OTOP1: variants seen among roughly 807,000 people sequenced by gnomAD.
OTOP1 encodes proton channel OTOP1.
Under a neutral mutation model 52.9 loss-of-function variants are expected in OTOP1, and 59 were observed. The observed-to-expected ratio is 1.12, with a 90% CI of 0.91 to 1.39. The LOEUF (loss-of-function observed/expected upper bound fraction) is 1.39, where lower values mean the gene tolerates loss of function less well. Among genes scored for constraint, OTOP1 ranks in the 40% most tolerant of loss-of-function variants. The probability of loss-of-function intolerance (pLI) is 0.00; values close to 1 mark genes in which losing one functional copy is unlikely to be tolerated. For missense variants in OTOP1, 761 were observed against 800.9 expected (o/e 0.95, Z 0.60); for synonymous variants, 317 against 337.7 (o/e 0.94, Z 0.67).
At position 4,226,462 on chromosome 4, in the gene OTOP1, C is replaced by A. The variant is rs768628259; in HGVS notation, c.403G>T (p.Gly135Cys). ...DTHAGAGWLR[G>C]SITLFAVITV... ...CCGCTCGCCCGGCGCCTGGACTCAC[C>A]GCGCAGCCAGCCGGCACCCGCGTGC... is the stretch of plus-strand genomic sequence containing the variant. The change falls in exon 1 of 6, where the codon GGT becomes TGT. Residue 135 changes from glycine to cysteine, a missense_variant and splice_region_variant. Gly to Cys is a radical substitution (Grantham distance 159, BLOSUM62 -3). Coordinates refer to ENST00000296358, the MANE Select transcript of OTOP1 (RefSeq NM_177998.3). The A allele has an allele frequency of 2.9e-5, 43 of 1,459,384 alleles. 1 individual carries two copies. The highest frequency in any genetic ancestry group is 5.6e-5 in the South Asian group (4 of 71,144). The allele number at this position is 1,459,384 out of a possible 1,614,324, so 90.4% of individuals were successfully genotyped here. A position where few individuals can be genotyped will look rare whatever the true frequency, so the allele number is the denominator to read the frequency against.
intron 5 of OTOP1, among the ~76,000 whole-genome samples, 156 bp downstream of exon 5, chr4:4,197,010 C>T (rs75991182): frequency 6.6e-6 from 1 of 152,160 alleles, no homozygotes; most frequent in African/African-American, 2.4e-5. Flanking sequence ...ACCTATCGGG[C>T]ACTATGCTCA....
intron 1 of OTOP1, among the ~76,000 whole-genome samples, chr4:4,218,879 A>G (rs11938445): frequency 0.49 from 73,756 of 151,820 alleles, 19,845 homozygotes; most frequent in Non-Finnish European, 0.62. Flanking sequence ...CAGTGAGCCA[A>G]GATCATGCCA....
chr4:4,213,929 T>C (rs946192782), intron 1 of OTOP1, among the ~76,000 whole-genome samples: 8 of 152,074 alleles, frequency 5.3e-5, no homozygotes, highest in Non-Finnish European at 8.8e-5. Flanking sequence ...TCTCTACTAA[T>C]AATACAAAAA....
In OTOP1 at chr4:4,197,539, G is replaced by C; in HGVS notation, c.1295C>G (p.Ala432Gly). The change falls in exon 5 of 6, where the codon GCG (alanine) becomes GGG (glycine). Residue 432 changes from alanine to glycine, a missense_variant. Coordinates refer to ENST00000296358, the MANE Select transcript of OTOP1 (RefSeq NM_177998.3). ...GTTCTGGATGTACTTCTCCACGATC[G>C]CCAGGATGGAGTAGGGCAGGTTGTA... is the stretch of plus-strand genomic sequence containing the variant. ...TWYNLPYSIL[A>G]IVEKYIQNLF... The C allele has an allele frequency of 1.9e-6, 3 of 1,614,076 alleles. No individual in the cohort carries two copies. The highest frequency in any genetic ancestry group is 2.2e-5 in the East Asian group (1 of 44,876).
In OTOP1 at chr4:4,197,841, T is replaced by C. The variant is rs756429584; in HGVS notation, c.993A>G (p.Val331=). 6.2e-7 allele frequency: 1 copy of C among 1,613,992 alleles called. No individual in the cohort carries two copies. Residue 331 remains valine (V), a synonymous_variant, in exon 5 of 6, where the codon GTA becomes GTG. Coordinates refer to ENST00000296358, the MANE Select transcript of OTOP1 (RefSeq NM_177998.3). The part of the protein sequence containing the change: ...VLAATIAVVV[V]YLIHIGRSKT... ...TGGAGCGCCCAATATGAATCAGGTA[T>C]ACCACCACCACAGCAATGGTGGCGG...
chr4:4,220,022 T>C (rs1364429187), intron 1 of OTOP1, among the ~76,000 whole-genome samples: 11 of 96,812 alleles, frequency 1.1e-4, no homozygotes, highest in African/African-American at 5.3e-4. Context: ...TATATACATG[T>C]ATATACGTAT....
intron 1 of OTOP1, among the ~76,000 whole-genome samples, chr4:4,218,695 A>C (rs1223092575): frequency 6.6e-6 from 1 of 152,136 alleles, no homozygotes; most frequent in Non-Finnish European, 1.5e-5. Context: ...TGGGAGGCCA[A>C]GATGGGTGGA....
chr4:4,226,869 G>T lies in OTOP1; in HGVS notation c.-5C>A. 7.6e-7 allele frequency: 1 copy of T among 1,322,754 alleles called. No homozygotes were observed. The highest frequency in any genetic ancestry group is 2.0e-5 in the South Asian group (1 of 49,198). The allele number at this position is 1,322,754 out of a possible 1,614,324, so 81.9% of individuals were successfully genotyped here. On this transcript the variant is annotated 5_prime_UTR_variant, in exon 1 of 6. Transcript: ENST00000296358. ...CGACCCCAGGCCCTCGAGCATCTTC[G>T]AGACACCCGCGCCAAGTCTGGTCCC...
intron 1 of OTOP1, among the ~76,000 whole-genome samples, chr4:4,225,767 C>G (rs1209138116): frequency 6.6e-6 from 1 of 152,042 alleles, no homozygotes; most frequent in African/African-American, 2.4e-5. Flanking sequence ...GCTCTAGGAC[C>G]GAGAGACAGG....
At chr4:4,214,503 C>T (rs1386886973) in intron 1 of OTOP1, among the ~76,000 whole-genome samples, 1 of 152,032 alleles carries the variant, frequency 6.6e-6, no homozygotes, top group Non-Finnish European at 1.5e-5. Context: ...TCTGTATTCT[C>T]CTGTTCATAG....
chr4:4,197,470 G>A lies in OTOP1; in HGVS notation c.1364C>T (p.Ser455Phe). 6.2e-7 allele frequency: 1 copy of A among 1,614,118 alleles called. No homozygotes were observed. Among genetic ancestry groups the A allele is most frequent in the Non-Finnish European group, 8.5e-7 (1 of 1,180,006 alleles). ...CACCCGAAGGGTTTGGATGTCCTCA[G>A]AGAGTTTTTCAGGCTCTCGGTGAAT... Reference protein sequence around the residue: ...ESIHREPEKLSEDIQTLRVVT... With the variant: ...ESIHREPEKLFEDIQTLRVVT... The change falls in exon 5 of 6, where the codon TCT becomes TTT. Residue 455 changes from serine (S) to phenylalanine (F), a missense_variant. Coordinates refer to ENST00000296358, the MANE Select transcript of OTOP1 (RefSeq NM_177998.3).
intron 1 of OTOP1, among the ~76,000 whole-genome samples, chr4:4,215,459 C>G (rs546870893): frequency 6.6e-6 from 1 of 152,014 alleles, no homozygotes; most frequent in Non-Finnish European, 1.5e-5. Flanking sequence ...GTTGGGAGTT[C>G]GAGAGCAGCC....
intron 1 of OTOP1, among the ~76,000 whole-genome samples, chr4:4,217,361 C>T (rs11934330): frequency 0.4 from 60,756 of 152,006 alleles, 13,411 homozygotes; most frequent in South Asian, 0.53. Context: ...TTTTTCTGTG[C>T]GGCCTGGGAA....
At chr4:4,223,562 AAAG>A (rs796509615) in intron 1 of OTOP1, among the ~76,000 whole-genome samples, 2 of 152,110 alleles carry the variant, frequency 1.3e-5, no homozygotes, top group African/African-American at 2.4e-5. Flanking sequence ...GAGTAGAAAA[AAAG>A]AAGAAGGAGG....
chr4:4,223,622 G>A lies in OTOP1; in HGVS notation c.403+2840C>T, dbSNP rs189912708. On this transcript the variant is annotated intron_variant, in intron 1 of 5. Coordinates refer to ENST00000296358, the MANE Select transcript of OTOP1 (RefSeq NM_177998.3). ...AGGAACATTCTAAATGCACCAGGCCGGGCGTGGTGGCCCATGCCTGTAATC... is the reference window on the plus strand; with the variant it reads ...AGGAACATTCTAAATGCACCAGGCCAGGCGTGGTGGCCCATGCCTGTAATC... 2.2e-3 allele frequency among the ~76,000 whole-genome samples: 331 copies of A among 152,196 alleles called. 4 individuals are homozygous for A. The highest frequency in any genetic ancestry group is 7.1e-3 in the African/African-American group (296 of 41,528).
At position 4,218,747 on chromosome 4, in the gene OTOP1, G is replaced by A. The variant is rs185940090; in HGVS notation, c.404-5743C>T. On this transcript the variant is annotated intron_variant, in intron 1 of 5. Transcript: ENST00000296358. ...GTTCGAGACCAGCCGGGCCAACATG[G>A]TGAAACCCCGTCTCTACCAAAAACA... 4.3e-3 allele frequency among the ~76,000 whole-genome samples: 652 copies of A among 152,246 alleles called. 3 individuals carry two copies. The highest frequency in any genetic ancestry group is 7.3e-3 in the Non-Finnish European group (496 of 68,020).
Position 4,197,626 on chromosome 4 carries a change from A to G in OTOP1, c.1208T>C (p.Leu403Pro), listed in dbSNP as rs1716672395. The change falls in exon 5 of 6, where the codon CTT (leucine) becomes CCT (proline). Residue 403 changes from leucine to proline, a missense_variant. By Grantham distance (98) the Leu-to-Pro change is moderately conservative. This residue lies in a region of OTOP1 where 632 missense variants were observed against 619.5 expected (regional missense o/e 1.02). Coordinates refer to ENST00000296358, the MANE Select transcript of OTOP1 (RefSeq NM_177998.3). ...GGCCAAGATTGAGCCCCAGGAGATA[A>G]GCCAGGAGCCCGAGGCAGTGCCCAC... Reference protein sequence around the residue: ...LLVGTASGSWLISWGSILAIL... With the variant: ...LLVGTASGSWPISWGSILAIL... The G allele has an allele frequency of 4.3e-6, 7 of 1,613,638 alleles. No homozygotes were observed. The South Asian group carries it at 6.6e-5, about 15-fold the overall frequency.
intron 1 of OTOP1, among the ~76,000 whole-genome samples, chr4:4,220,066 CATATATATGTATACATATAT>C (rs1717261675): frequency 1.6e-5 from 2 of 123,492 alleles, no homozygotes; most frequent in South Asian, 4.9e-4. Flanking sequence ...CGTGTATATA[CATATATATGTATACATATAT>C]ATATATATAT....
At chr4:4,204,339 A>G (rs545874942) in intron 3 of OTOP1, among the ~76,000 whole-genome samples, 1 of 152,254 alleles carries the variant, frequency 6.6e-6, no homozygotes, top group South Asian at 2.1e-4. Flanking sequence ...GAAGCATTAT[A>G]TAGAGCCTTT....
Sources: allele counts gnomAD v4.1 joint callset (sites outside exome capture counted in the v4.1 genomes callset), GRCh38; gene constraint gnomAD v4.1.1; regional missense constraint gnomAD v4.1.1; transcripts MANE v1.5; gene names NCBI Gene and HGNC (gene_info 2026-07-23, HGNC 2026-07-21).